Variants in PRRC1 observed in about 807,000 individuals in gnomAD.
PRRC1 encodes the protein protein PRRC1.
In PRRC1, 39 loss-of-function variants were observed where a neutral mutation model predicts 40.7. The ratio of observed to expected loss-of-function variants is 0.96; its 90% CI spans 0.74 to 1.25. PRRC1 has a LOEUF of 1.25. PRRC1 is among the 50% of genes most tolerant of loss of function. The pLI is 0.00. For missense variants in PRRC1, 573 were observed against 548.3 expected (o/e 1.05, Z -0.45); for synonymous variants, 175 against 193.3 (o/e 0.91, Z 0.79).
Position 127,530,350 on chromosome 5 carries a change from A to G in PRRC1, c.711A>G (p.Val237=). ...TGCTTGATAAGACAAAACATTCAGT[A>G]GAAAGCATGATTACAACGCTGGACC... ...KSVLDKTKHS[V]ESMITTLDPG... is the part of the protein sequence containing the mutation. Residue 237 remains valine (V), a synonymous_variant, in exon 5 of 9, where the codon GTA becomes GTG. Coordinates refer to ENST00000296666, the MANE Select transcript of PRRC1 (RefSeq NM_130809.5). 1 of 1,614,024 alleles carries G rather than the reference A, an allele frequency of 6.2e-7. No individual in the cohort carries two copies. The highest frequency in any genetic ancestry group is 8.5e-7 in the Non-Finnish European group (1 of 1,179,942).
Position 127,533,661 on chromosome 5 carries a change from A to G in PRRC1, c.796A>G (p.Lys266Glu), listed in dbSNP as rs1442766379. The G allele has an allele frequency of 4.3e-6, 7 of 1,614,128 alleles. No individual in the cohort carries two copies. Among genetic ancestry groups the G allele is most frequent in the Non-Finnish European group, 5.9e-6 (7 of 1,179,982 alleles). The stretch of plus-strand genomic sequence containing the variant: ...ACTGGATATTGTAGTGACCTCAAAT[A>G]AAGAAGTAAAAGTTGCTGCTGTCCG... ...GELDIVVTSN[K>E]EVKVAAVRDA... The change falls in exon 6 of 9, where the codon AAA becomes GAA. Residue 266 changes from lysine (K) to glutamate (E), a missense_variant. Physicochemically the swap from Lys to Glu is moderately conservative, Grantham distance 56 (BLOSUM62 1). Coordinates refer to ENST00000296666, the MANE Select transcript of PRRC1 (RefSeq NM_130809.5).
chr5:127,549,129 C>T (rs561570739), intron 8 of PRRC1: 5 of 148,134 alleles, frequency 3.4e-5, no homozygotes, highest in Admixed American at 1.4e-4. Context: ...TTAATTGAAG[C>T]ATTAAAATGG....
At chr5:127,525,116 A>G (rs1282491011) in intron 3 of PRRC1, among the ~76,000 whole-genome samples, 196 bp downstream of exon 3, 4 of 151,952 alleles carry the variant, frequency 2.6e-5, no homozygotes, top group Non-Finnish European at 5.9e-5. Context: ...ACTTTAAGAA[A>G]GAAACCCTAT....
chr5:127,521,350 A>G (rs1767452790), intron 1 of PRRC1, among the ~76,000 whole-genome samples: 1 of 152,146 alleles, frequency 6.6e-6, no homozygotes, highest in African/African-American at 2.4e-5. Context: ...CCTTCCCGCC[A>G]AACTACTCAC....
chr5:127,549,566 C>G (rs1017366604), intron 8 of PRRC1: 17 of 152,238 alleles, frequency 1.1e-4, no homozygotes, highest in African/African-American at 3.4e-4. Context: ...TATGTGTGTA[C>G]TACAAAATCA....
chr5:127,530,163 C>A (rs1767729309), intron 4 of PRRC1, 131 bp from the exon 5 acceptor site: 2 of 663,604 alleles, frequency 3.0e-6, no homozygotes, highest in Non-Finnish European at 5.0e-6. Flanking sequence ...ATTGTCATGA[C>A]CTTATATATC....
chr5:127,517,979 G>C (rs1159230559), intron 1 of PRRC1: 2 of 152,786 alleles, frequency 1.3e-5, no homozygotes, highest in African/African-American at 4.8e-5. Context: ...GGGTGCAGCA[G>C]GCAGGAGTGC....
At chr5:127,544,654 G>A (rs1005198642) in intron 7 of PRRC1, among the ~76,000 whole-genome samples, 8 of 152,330 alleles carry the variant, frequency 5.3e-5, no homozygotes, top group South Asian at 2.1e-4. Context: ...AGCAATCAGC[G>A]GGACTCCGTG....
chr5:127,523,724 T>G (rs942299623), intron 2 of PRRC1, 142 bp downstream of exon 2: 1 of 461,874 alleles, frequency 2.2e-6, no homozygotes, highest in Non-Finnish European at 3.8e-6. Context: ...GCCTTTTTAA[T>G]TTAAAGAATA....
chr5:127,542,843 G>T, intron 7 of PRRC1, among the ~76,000 whole-genome samples: 1 of 151,896 alleles, frequency 6.6e-6, no homozygotes, highest in East Asian at 1.9e-4. Flanking sequence ...GCCAGTCTGT[G>T]TCTTTTAATT....
chr5:127,520,100 T>C (rs979301402), intron 1 of PRRC1, among the ~76,000 whole-genome samples: 7 of 152,266 alleles, frequency 4.6e-5, no homozygotes, highest in Non-Finnish European at 8.8e-5. Flanking sequence ...TATTGAAATT[T>C]GGGGCCACTT....
intron 7 of PRRC1, among the ~76,000 whole-genome samples, chr5:127,541,317 A>T (rs1768039863): frequency 1.3e-5 from 2 of 152,148 alleles, no homozygotes; most frequent in African/African-American, 4.8e-5. Context: ...TTCATCAAGG[A>T]TATTGGTCTA....
intron 7 of PRRC1, among the ~76,000 whole-genome samples, chr5:127,545,047 C>T (rs1236803409): frequency 1.3e-5 from 2 of 152,210 alleles, no homozygotes; most frequent in African/African-American, 4.8e-5. Flanking sequence ...AGCTCACCAT[C>T]ACTGGCCATC....
At chr5:127,526,885 C>A in intron 4 of PRRC1, 107 bp downstream of exon 4, 2 of 1,017,672 alleles carry the variant, frequency 2.0e-6, no homozygotes, top group Non-Finnish European at 2.7e-6. Flanking sequence ...AAATAAAATT[C>A]TTTTTTATTA....
intron 7 of PRRC1, among the ~76,000 whole-genome samples, chr5:127,545,427 T>C (rs1258472318): frequency 2.6e-5 from 4 of 152,092 alleles, no homozygotes; most frequent in Non-Finnish European, 2.9e-5. Context: ...GAAAATGTGG[T>C]ACATATACAC....
intron 7 of PRRC1, among the ~76,000 whole-genome samples, chr5:127,545,606 A>G (rs1175998937): frequency 1.5e-5 from 2 of 132,028 alleles, no homozygotes; most frequent in South Asian, 2.6e-4. Flanking sequence ...TGGACACAGG[A>G]AGGGGAACAG....
rs1329264838 is a variant in PRRC1 at position 127,530,331 on chromosome 5, A to T, written c.692A>T (p.Asp231Val). The T allele has an allele frequency of 1.9e-6, 3 of 1,613,862 alleles. No individual in the cohort carries two copies. In the South Asian group the frequency reaches 3.3e-5, roughly 18 times the overall value. Reference protein sequence around the residue: ...AGNPMVKSVLDKTKHSVESMI... With the variant: ...AGNPMVKSVLVKTKHSVESMI... ...AATCCTATGGTGAAGTCTGTGCTTG[A>T]TAAGACAAAACATTCAGTAGAAAGC... The change falls in exon 5 of 9, where the codon GAT (aspartate) becomes GTT (valine). Residue 231 changes from aspartate to valine, a missense_variant. By Grantham distance (152) the Asp-to-Val change is radical. Transcript: ENST00000296666.
chr5:127,520,987 A>G (rs1767444373), intron 1 of PRRC1, among the ~76,000 whole-genome samples: 1 of 152,124 alleles, frequency 6.6e-6, no homozygotes, highest in Admixed American at 6.5e-5. Flanking sequence ...CAAAACAGTT[A>G]AAACAAAAGA....
chr5:127,536,081 C>T (rs191467057), intron 6 of PRRC1, among the ~76,000 whole-genome samples: 39 of 152,124 alleles, frequency 2.6e-4, no homozygotes, highest in Middle Eastern at 3.4e-3. Context: ...ATGTTTTCTG[C>T]CTTTTCACTT....
Sources: allele counts gnomAD v4.1 joint callset (sites outside exome capture counted in the v4.1 genomes callset), GRCh38; gene constraint gnomAD v4.1.1; transcripts MANE v1.5; gene names NCBI Gene and HGNC (gene_info 2026-07-23, HGNC 2026-07-21).